The following CLIP4 variants were observed in gnomAD, a reference collection of about 807,000 sequenced individuals.
The protein encoded by CLIP4 is CAP-Gly domain containing linker protein family member 4.
In CLIP4, 47 loss-of-function variants were observed where a neutral mutation model predicts 73.1. The ratio of observed to expected loss-of-function variants is 0.64; its 90% CI spans 0.51 to 0.82. The LOEUF (loss-of-function observed/expected upper bound fraction) is 0.82, where lower values mean the gene tolerates loss of function less well. Ranked by LOEUF, CLIP4 falls within the 40% of genes least tolerant of loss-of-function variation. The pLI, the probability that CLIP4 is intolerant of heterozygous loss-of-function variation, is 0.00. For missense variants in CLIP4, 874 were observed against 852.9 expected (o/e 1.02, Z -0.31); for synonymous variants, 306 against 295.4 (o/e 1.04, Z -0.37).
At chr2:29,135,199 T>C (rs1665264520) in intron 5 of CLIP4, among the ~76,000 whole-genome samples, 1 of 152,200 alleles carries the variant, frequency 6.6e-6, no homozygotes, top group African/African-American at 2.4e-5. Flanking sequence ...TCTACCTCAC[T>C]GTAGTTGTCA....
chr2:29,171,805 A>G (rs1216832841), intron 14 of CLIP4, among the ~76,000 whole-genome samples: 1 of 152,126 alleles, frequency 6.6e-6, no homozygotes, highest in African/African-American at 2.4e-5. Flanking sequence ...GGCGTGAGCC[A>G]CCGCGCCTGG....
At chr2:29,138,465 A>G (rs937182603) in intron 6 of CLIP4, among the ~76,000 whole-genome samples, 2 of 149,364 alleles carry the variant, frequency 1.3e-5, no homozygotes, top group Admixed American at 6.7e-5. Flanking sequence ...CTTTCTGCTT[A>G]GGATTGCTTT....
At chr2:29,103,475 A>G (rs1017459343) in intron 1 of CLIP4, among the ~76,000 whole-genome samples, 1 of 152,038 alleles carries the variant, frequency 6.6e-6, no homozygotes, top group African/African-American at 2.4e-5. Context: ...ATTATTCAAC[A>G]TCAGGGAGTG....
intron 10 of CLIP4, 54 bp downstream of exon 10, chr2:29,156,497 A>G: frequency 7.9e-7 from 1 of 1,270,544 alleles, no homozygotes; most frequent in Non-Finnish European, 1.1e-6. Context: ...ATGGAACTTT[A>G]AAATATGGTA....
rs754012822 is a variant in CLIP4, at chr2:29,135,576, T to C, written c.558T>C (p.Asn186=). The stretch of plus-strand genomic sequence containing the variant: ...TGGATGCCACTTGCAGTGATTTTAA[T>C]TTTGGAACAGCTTTGCATATTGCAG... The part of the protein sequence containing the change: ...KDVDATCSDF[N]FGTALHIAAY... Residue 186 remains asparagine, a synonymous_variant, in exon 6 of 16, where the codon AAT becomes AAC. Coordinates refer to ENST00000320081, the MANE Select transcript of CLIP4 (RefSeq NM_024692.6). 2 of 1,609,002 alleles carry C rather than the reference T, an allele frequency of 1.2e-6. No homozygotes were observed. The highest frequency in any genetic ancestry group is 2.2e-5 in the South Asian group (2 of 89,880).
intron 1 of CLIP4, among the ~76,000 whole-genome samples, chr2:29,100,054 A>G (rs1229277876): frequency 2.6e-5 from 4 of 152,074 alleles, no homozygotes; most frequent in Non-Finnish European, 5.9e-5. Context: ...TCAAATTTTA[A>G]TCTGTTTATT....
intron 2 of CLIP4, among the ~76,000 whole-genome samples, chr2:29,122,894 A>C (rs1032991949): frequency 6.6e-6 from 1 of 151,492 alleles, no homozygotes; most frequent in Non-Finnish European, 1.5e-5. Context: ...ACTCTTATGA[A>C]CCTTTCCCCA....
chr2:29,116,508 T>C (rs528559703), intron 1 of CLIP4, among the ~76,000 whole-genome samples: 4 of 152,334 alleles, frequency 2.6e-5, no homozygotes, highest in South Asian at 4.1e-4. Context: ...TGTACTTCAC[T>C]TTCACTTTGA....
chr2:29,126,617 T>A lies in CLIP4; in HGVS notation c.134-4641T>A, dbSNP rs559530081. Among the ~76,000 whole-genome samples, 7 of 152,330 alleles carry A rather than the reference T, an allele frequency of 4.6e-5. No homozygotes were observed. In the South Asian group the frequency reaches 1.5e-3, roughly 32 times the overall value. On this transcript the variant is annotated intron_variant, in intron 2 of 15. Transcript: ENST00000320081. Reference sequence around the variant, plus strand: ...AGGGCATTAAGAAGATTTCCAGATTTGCTCTTGGAGCATCTTGAGATGCTG... The same window carrying A: ...AGGGCATTAAGAAGATTTCCAGATTAGCTCTTGGAGCATCTTGAGATGCTG...
intron 15 of CLIP4, among the ~76,000 whole-genome samples, chr2:29,175,875 T>C (rs1003244192): frequency 2.0e-3 from 308 of 152,066 alleles, no homozygotes; most frequent in African/African-American, 6.7e-3. Context: ...CATTCTTCTG[T>C]CTCAGCCTCC....
At chr2:29,134,462 A>G (rs1181483860) in intron 5 of CLIP4, among the ~76,000 whole-genome samples, 1 of 152,228 alleles carries the variant, frequency 6.6e-6, no homozygotes, top group Non-Finnish European at 1.5e-5. Flanking sequence ...CAGAGATTCA[A>G]TAGATAAATT....
At position 29,181,897 on chromosome 2, in the gene CLIP4, T is replaced by A. The variant is rs1289747913; in HGVS notation, c.*4T>A. ...ACTTGTGGATGAGAATTGTTAAGCTTCTAAAATATTAAATAAGCTCAAATA... is the reference window on the plus strand; with the variant it reads ...ACTTGTGGATGAGAATTGTTAAGCTACTAAAATATTAAATAAGCTCAAATA... On this transcript the variant is annotated 3_prime_UTR_variant, in exon 16 of 16. Transcript: ENST00000320081. The A allele has an allele frequency of 6.3e-7, 1 of 1,585,770 alleles. No individual in the cohort carries two copies. Among genetic ancestry groups the A allele is most frequent in the Non-Finnish European group, 8.6e-7 (1 of 1,163,528 alleles).
upstream of CLIP4, chr2:29,114,069 G>C (rs1001635317): frequency 1.3e-5 from 2 of 152,228 alleles, no homozygotes; most frequent in African/African-American, 4.8e-5. Flanking sequence ...CAGGGTCAGG[G>C]ATGGTCATGT....
intron 11 of CLIP4, among the ~76,000 whole-genome samples, chr2:29,160,056 TAGTTTACC>T (rs1207890145): frequency 6.6e-6 from 1 of 152,216 alleles, no homozygotes; most frequent in African/African-American, 2.4e-5. Context: ...GAAGAGTTGG[TAGTTTACC>T]AGGGATCAGG....
chr2:29,145,166 G>A, intron 7 of CLIP4, 66 bp from the exon 8 acceptor site: 2 of 1,389,782 alleles, frequency 1.4e-6, no homozygotes, highest in Non-Finnish European at 2.0e-6. Flanking sequence ...AAGTAAAGTT[G>A]CAAGAGTAGG....
chr2:29,099,346 T>G (rs1049792290), intron 1 of CLIP4, among the ~76,000 whole-genome samples: 2 of 152,244 alleles, frequency 1.3e-5, no homozygotes, highest in Non-Finnish European at 2.9e-5. Flanking sequence ...AATTTTACGT[T>G]TATGTCCACG....
chr2:29,104,685 C>A lies in CLIP4; in HGVS notation c.-16+6738C>A, dbSNP rs905343941. Among the ~76,000 whole-genome samples the A allele has an allele frequency of 3.9e-5, 6 of 152,106 alleles. No individual in the cohort carries two copies. In the South Asian group the frequency reaches 6.2e-4, roughly 16 times the overall value. On this transcript the variant is annotated intron_variant, in intron 1 of 14. Transcript: ENST00000401605. ...CAGCTGAGACCTGAGTATGACGAAGCCTTTGCAATAGAGGCACACATGTTT... is the reference window on the plus strand; with the variant it reads ...CAGCTGAGACCTGAGTATGACGAAGACTTTGCAATAGAGGCACACATGTTT...
At chr2:29,158,642 A>C (rs375074496) in intron 11 of CLIP4, among the ~76,000 whole-genome samples, 3 of 152,304 alleles carry the variant, frequency 2.0e-5, no homozygotes, top group Admixed American at 6.5e-5. Context: ...TTTGAGGGAG[A>C]TGTAGACTGC....
intron 6 of CLIP4, among the ~76,000 whole-genome samples, chr2:29,142,834 C>T (rs890313275): frequency 1.3e-5 from 2 of 152,094 alleles, no homozygotes; most frequent in African/African-American, 4.8e-5. Flanking sequence ...CTCATGAAGT[C>T]TAAGGTTTTT....
Sources: gnomAD v4.1 joint callset for allele counts (sites outside exome capture counted in the v4.1 genomes callset) on GRCh38, gnomAD v4.1.1 for gene constraint, MANE v1.5 for transcripts, NCBI Gene and HGNC (gene_info 2026-07-23, HGNC 2026-07-21) for gene names.